Variants in FSIP2 observed in about 807,000 individuals in gnomAD.
The protein encoded by FSIP2 is fibrous sheath interacting protein 2, also known as fibrous sheath-interacting protein 2.
In FSIP2, 367 loss-of-function variants were observed where a neutral mutation model predicts 510.5. The ratio of observed to expected loss-of-function variants is 0.72; its 90% CI spans 0.66 to 0.78. The LOEUF (loss-of-function observed/expected upper bound fraction) is 0.78. FSIP2 is among the 30% of genes least tolerant of loss of function. The probability of loss-of-function intolerance (pLI) is 0.00; values close to 1 mark genes in which losing one functional copy is unlikely to be tolerated. For synonymous variants in FSIP2, 2,601 were observed against 2,732.2 expected (o/e 0.95, Z 1.50); for missense variants, 7,594 against 7,901.7 (o/e 0.96, Z 1.48).
intron 14 of FSIP2, 66 bp from the exon 15 acceptor site, chr2:185,786,186 T>A: frequency 9.8e-7 from 1 of 1,016,570 alleles, no homozygotes; most frequent in African/African-American, 1.6e-5. Context: ...TAATTAGAAA[T>A]TTTGGGAAAA....
chr2:185,821,555 A>C (rs187525395), intron 19 of FSIP2, among the ~76,000 whole-genome samples: 2 of 152,094 alleles, frequency 1.3e-5, no homozygotes, highest in Admixed American at 1.3e-4. Context: ...CAAATTCATC[A>C]GTATATTAAA....
At chr2:185,746,126 AC>A (rs1386972508) in intron 5 of FSIP2, among the ~76,000 whole-genome samples, 16 of 151,988 alleles carry the variant, frequency 1.1e-4, no homozygotes, top group African/African-American at 3.9e-4. Context: ...GACTTTTATT[AC>A]CTGACTTTTA....
Position 185,801,018 on chromosome 2 carries a change from C to T in FSIP2, c.11712C>T (p.Leu3904=). The T allele has an allele frequency of 6.5e-7, 1 of 1,531,490 alleles. No homozygotes were observed. The highest frequency in any genetic ancestry group is 8.7e-7 in the Non-Finnish European group (1 of 1,143,782). The allele number at this position is 1,531,490 out of a possible 1,614,324, so 94.9% of individuals were successfully genotyped here. The part of the protein sequence containing the change: ...ELGQSKSSLE[L]RSYDSNSLTV... ...GACAGAGTAAAAGTTCTTTAGAACT[C>T]AGGAGCTATGATAGTAATTCTTTGA... The change falls in exon 17 of 23, where the codon CTC becomes CTT. Residue 3904 remains leucine, a synonymous_variant. Transcript: ENST00000424728.
chr2:185,806,810 T>C lies in FSIP2; in HGVS notation c.17504T>C (p.Leu5835Pro), dbSNP rs746792693. 6 of 1,611,304 alleles carry C rather than the reference T, an allele frequency of 3.7e-6. No homozygotes were observed. In the South Asian group the frequency reaches 6.6e-5, roughly 18 times the overall value. The change falls in exon 17 of 23, where the codon CTG becomes CCG. Residue 5835 changes from leucine to proline, a missense_variant. Transcript: ENST00000424728. ...ACTGCTATGAAACTCATCAATTCAC[T>C]GTTAAAGGAGTTCTCAGATGCTCAA... Reference protein sequence around the residue: ...YDTAMKLINSLLKEFSDAQIK... With the variant: ...YDTAMKLINSPLKEFSDAQIK...
chr2:185,831,932 A>G (rs967468972), intron 22 of FSIP2, 50 bp downstream of exon 22: 2 of 1,105,918 alleles, frequency 1.8e-6, no homozygotes, highest in South Asian at 1.3e-5. Flanking sequence ...TGTCAATTGC[A>G]TCATTTTGAA....
At chr2:185,776,694 A>C (rs181224942) in intron 13 of FSIP2, among the ~76,000 whole-genome samples, 2 of 152,158 alleles carry the variant, frequency 1.3e-5, no homozygotes, top group Non-Finnish European at 2.9e-5. Flanking sequence ...TTTTATGGAT[A>C]TACAAAATAA....
chr2:185,789,405 G>A lies in FSIP2; in HGVS notation c.2269G>A (p.Glu757Lys), dbSNP rs1693064499. Residue 757 changes from glutamate (E) to lysine (K), a missense_variant, in exon 16 of 23, where the codon GAG (glutamate) becomes AAG (lysine). Coordinates refer to ENST00000424728, the MANE Select transcript of FSIP2 (RefSeq NM_173651.4). ...TGCTCATATTCCCTCAGTTGCTTCT[G>A]AGATTGTGGAAAATATGCTTGAGAA... Reference protein sequence around the residue: ...SNAHIPSVASEIVENMLEKLE... With the variant: ...SNAHIPSVASKIVENMLEKLE... 6.5e-7 allele frequency: 1 copy of A among 1,534,934 alleles called. No homozygotes were observed. Among genetic ancestry groups the A allele is most frequent in the African/African-American group, 1.4e-5 (1 of 73,058 alleles).
At chr2:185,778,521 G>A (rs1559020949) in intron 13 of FSIP2, among the ~76,000 whole-genome samples, 1 of 151,644 alleles carries the variant, frequency 6.6e-6, no homozygotes. Context: ...GTTAAATTTT[G>A]TGCTCCTGGC....
At position 185,801,528 on chromosome 2, in the gene FSIP2, A is replaced by G. The variant is rs1693434937; in HGVS notation, c.12222A>G (p.Ser4074=). ...CGNNPVYDNA[S]IAEQITNGIL... is the part of the protein sequence containing the mutation. ...ATAATCCGGTATACGACAATGCCTC[A>G]ATAGCAGAACAAATAACAAATGGCA... The change falls in exon 17 of 23, where the codon TCA becomes TCG. Residue 4074 remains serine, a synonymous_variant. Coordinates refer to ENST00000424728, the MANE Select transcript of FSIP2 (RefSeq NM_173651.4). 6.5e-7 allele frequency: 1 copy of G among 1,534,126 alleles called. No homozygotes were observed. Among genetic ancestry groups the G allele is most frequent in the Non-Finnish European group, 8.7e-7 (1 of 1,145,600 alleles).
At chr2:185,779,996 C>G (rs1692809965) in intron 13 of FSIP2, among the ~76,000 whole-genome samples, 1 of 149,748 alleles carries the variant, frequency 6.7e-6, no homozygotes, top group Non-Finnish European at 1.5e-5. Flanking sequence ...TCACTTGAAC[C>G]TGGGAGGCAG....
In FSIP2 at chr2:185,808,032, T is replaced by G. The variant is rs751988114; in HGVS notation, c.18726T>G (p.Pro6242=). Residue 6242 remains proline, a synonymous_variant, in exon 17 of 23, where the codon CCT becomes CCG. Transcript: ENST00000424728. Reference sequence around the variant, plus strand: ...CCACCAAGGAATCACCTACTGTGCCTGTAGCTGATAATGCAACTATTGAAA... The same window carrying G: ...CCACCAAGGAATCACCTACTGTGCCGGTAGCTGATAATGCAACTATTGAAA... ...VPPTKESPTV[P]VADNATIENI... is the part of the protein sequence containing the mutation. 1.9e-6 allele frequency: 3 copies of G among 1,610,786 alleles called. No homozygotes were observed. The highest frequency in any genetic ancestry group is 8.5e-7 in the Non-Finnish European group (1 of 1,178,154).
chr2:185,782,672 C>CAAACT, intron 13 of FSIP2, 33 bp from the exon 14 acceptor site: 6 of 1,341,502 alleles, frequency 4.5e-6, no homozygotes, highest in Middle Eastern at 1.8e-4. Flanking sequence ...AGGATGGATA[C>CAAACT]AAACTATGTA....
chr2:185,788,658 C>A lies in FSIP2; in HGVS notation c.1522C>A (p.Leu508Met). The A allele has an allele frequency of 1.3e-6, 2 of 1,504,656 alleles. No individual in the cohort carries two copies. The highest frequency in any genetic ancestry group is 1.8e-6 in the Non-Finnish European group (2 of 1,133,748). 93.2% of individuals were successfully genotyped at this position (1,504,656 alleles called of 1,614,324 possible). ...TCCTTTCCAGGTAACTTCTGAAGAA[C>A]TGAATATTATAATTCAGAATGTAAT... is the stretch of plus-strand genomic sequence containing the variant. ...CLQEKVTSEE[L>M]NIIIQNVMTW... The change falls in exon 16 of 23, where the codon CTG becomes ATG. Residue 508 changes from leucine to methionine, a missense_variant. Coordinates refer to ENST00000424728, the MANE Select transcript of FSIP2 (RefSeq NM_173651.4).
rs1007810664 is a variant in FSIP2 at position 185,789,662 on chromosome 2, T to C, written c.2526T>C (p.Phe842=). The change falls in exon 16 of 23, where the codon TTT becomes TTC. Residue 842 remains phenylalanine, a synonymous_variant. Coordinates refer to ENST00000424728, the MANE Select transcript of FSIP2 (RefSeq NM_173651.4). ...MTLVSFKQNE[F]LHLKDTNKLS... is the part of the protein sequence containing the mutation. ...TTGTTTCTTTTAAGCAAAATGAATT[T>C]CTTCATCTTAAAGACACAAATAAGC... 1.3e-6 allele frequency: 2 copies of C among 1,534,008 alleles called. No homozygotes were observed. Among genetic ancestry groups the C allele is most frequent in the African/African-American group, 2.7e-5 (2 of 72,868 alleles).
intron 13 of FSIP2, among the ~76,000 whole-genome samples, chr2:185,767,482 A>G (rs1469934862): frequency 6.6e-6 from 1 of 152,098 alleles, no homozygotes; most frequent in Non-Finnish European, 1.5e-5. Context: ...CCACCATTCT[A>G]TTCTCTGTTC....
At position 185,790,669 on chromosome 2, in the gene FSIP2, T is replaced by C; in HGVS notation, c.3533T>C (p.Leu1178Pro). Residue 1178 changes from leucine (L) to proline (P), a missense_variant, in exon 16 of 23, where the codon CTT becomes CCT. Transcript: ENST00000424728. ...QEITDSVLNI[L>P]HKASNYISNT... Reference sequence around the variant, plus strand: ...ATAACAGATTCTGTGTTAAACATACTTCATAAGGCATCAAACTACATTTCC... The same window carrying C: ...ATAACAGATTCTGTGTTAAACATACCTCATAAGGCATCAAACTACATTTCC... 1 of 1,534,048 alleles carries C rather than the reference T, an allele frequency of 6.5e-7. No homozygotes were observed. The highest frequency in any genetic ancestry group is 8.7e-7 in the Non-Finnish European group (1 of 1,145,412).
At position 185,831,798 on chromosome 2, in the gene FSIP2, A is replaced by T. The variant is rs2105693352; in HGVS notation, c.20518-15A>T. ...CAGTGAAAGACTCAGTTTGTATTTCAATTTACCTTGGCAGTTTATCACCAT... is the reference window on the plus strand; with the variant it reads ...CAGTGAAAGACTCAGTTTGTATTTCTATTTACCTTGGCAGTTTATCACCAT... On this transcript the variant is annotated splice_polypyrimidine_tract_variant and intron_variant, in intron 21 of 22. Transcript: ENST00000424728. 1 of 1,589,544 alleles carries T rather than the reference A, an allele frequency of 6.3e-7. No individual in the cohort carries two copies. Among genetic ancestry groups the T allele is most frequent in the Non-Finnish European group, 8.6e-7 (1 of 1,158,656 alleles).
chr2:185,828,054 T>G (rs1694046084), intron 20 of FSIP2, 102 bp from the exon 21 acceptor site: 2 of 715,368 alleles, frequency 2.8e-6, no homozygotes, highest in African/African-American at 3.6e-5. Flanking sequence ...CTAAACTATA[T>G]GATTCTTTGG....
chr2:185,798,594 A>T lies in FSIP2; in HGVS notation c.10390+1068A>T, dbSNP rs534338876. Reference sequence around the variant, plus strand: ...ATACATCACACATCATTCTAATTGGAGATATTAGCAGTCCTACCCACCTGC... The same window carrying T: ...ATACATCACACATCATTCTAATTGGTGATATTAGCAGTCCTACCCACCTGC... On this transcript the variant is annotated intron_variant, in intron 16 of 22. Coordinates refer to ENST00000424728, the MANE Select transcript of FSIP2 (RefSeq NM_173651.4). Among the ~76,000 whole-genome samples the T allele has an allele frequency of 4.7e-4, 71 of 151,904 alleles. No individual in the cohort carries two copies. The South Asian group carries it at 5.0e-3, about 11-fold the overall frequency.
Sources: gnomAD v4.1 joint callset for allele counts (sites outside exome capture counted in the v4.1 genomes callset) on GRCh38, gnomAD v4.1.1 for gene constraint, MANE v1.5 for transcripts, NCBI Gene and HGNC (gene_info 2026-07-23, HGNC 2026-07-21) for gene names.